The following CCDC40 variants were observed in gnomAD, a reference collection of about 807,000 sequenced individuals.
CCDC40 encodes the protein coiled-coil domain-containing protein 40.
In CCDC40, 104 loss-of-function variants were observed where a neutral mutation model predicts 124.5. The observed-to-expected ratio is 0.84, with a 90% CI of 0.71 to 0.98. The LOEUF is 0.98. Among genes scored for constraint, CCDC40 ranks in the 50% least tolerant of loss-of-function variants. CCDC40 has a pLI of 0.00. For missense variants in CCDC40, 1,463 were observed against 1,503.9 expected, an observed-to-expected ratio of 0.97 and a Z score of 0.45; for synonymous variants, 580 against 602.9, an observed-to-expected ratio of 0.96 and a Z score of 0.56.
intron 9 of CCDC40, among the ~76,000 whole-genome samples, chr17:80,063,962 A>C (rs544037714): frequency 6.6e-6 from 1 of 152,326 alleles, no homozygotes; most frequent in South Asian, 2.1e-4. Context: ...TCTGTACCCC[A>C]GAGATATACA....
Position 80,099,852 on chromosome 17 carries a change from C to A in CCDC40, c.*77C>A, listed in dbSNP as rs1004775554. ...GTGTTTGTCATGAGGGACTTGGAAT[C>A]TTTTGTGTTCCTAAAAACCACATGT... On this transcript the variant is annotated 3_prime_UTR_variant, in exon 20 of 20. Transcript: ENST00000397545. 1 of 1,538,918 alleles carries A rather than the reference C, an allele frequency of 6.5e-7. No individual in the cohort carries two copies. The highest frequency in any genetic ancestry group is 2.3e-5 in the East Asian group (1 of 43,950).
chr17:80,083,687 A>G (rs1395394191), intron 12 of CCDC40, among the ~76,000 whole-genome samples: 2 of 152,138 alleles, frequency 1.3e-5, no homozygotes, highest in Non-Finnish European at 2.9e-5. Flanking sequence ...GATTATCACA[A>G]ACGTCCTCTC....
chr17:80,082,880 C>T (rs955404497), intron 12 of CCDC40, among the ~76,000 whole-genome samples: 9 of 152,214 alleles, frequency 5.9e-5, no homozygotes, highest in African/African-American at 1.9e-4. Context: ...TCGTCTATTA[C>T]GACAATTTTC....
intron 10 of CCDC40, among the ~76,000 whole-genome samples, chr17:80,071,584 A>G (rs2038189423): frequency 6.6e-6 from 1 of 152,120 alleles, no homozygotes; most frequent in Non-Finnish European, 1.5e-5. Context: ...GGACTTTACC[A>G]TGGTATTAAA....
intron 12 of CCDC40, 56 bp from the exon 13 acceptor site, chr17:80,084,687 C>A: frequency 6.2e-7 from 1 of 1,606,454 alleles, no homozygotes; most frequent in African/African-American, 1.3e-5. Flanking sequence ...TCAGCAAACT[C>A]GTCCCGGGCC....
chr17:80,041,950 A>G (rs1414499061), intron 3 of CCDC40, among the ~76,000 whole-genome samples: 1 of 152,142 alleles, frequency 6.6e-6, no homozygotes, highest in Non-Finnish European at 1.5e-5. Flanking sequence ...ATACTTAATG[A>G]AGATTTTGTG....
chr17:80,050,761 C>T (rs2037562966), intron 7 of CCDC40, among the ~76,000 whole-genome samples: 1 of 152,154 alleles, frequency 6.6e-6, no homozygotes, highest in African/African-American at 2.4e-5. Context: ...TGTTAAATGG[C>T]ACCTGTCAGG....
chr17:80,048,837 T>C (rs2037500471), intron 5 of CCDC40, 76 bp downstream of exon 5: 2 of 1,277,386 alleles, frequency 1.6e-6, no homozygotes, highest in Admixed American at 2.0e-5. Flanking sequence ...CTGCCTGCAC[T>C]GTCTCCCACT....
chr17:80,090,320 GACGCGCGCAGGC>G (rs1567813795), intron 17 of CCDC40: 4 of 668,488 alleles, frequency 6.0e-6, no homozygotes, highest in African/African-American at 2.1e-5. Context: ...AACAACACGG[GACGCGCGCAGGC>G]ACGTGCACGA....
At position 80,087,783 on chromosome 17, in the gene CCDC40, C is replaced by T. The variant is rs1310711775; in HGVS notation, c.2619+7C>T. 2.5e-6 allele frequency: 4 copies of T among 1,613,554 alleles called. No homozygotes were observed. In the African/African-American group the frequency reaches 5.3e-5, roughly 22 times the overall value. On this transcript the variant is annotated splice_region_variant and intron_variant, in intron 15 of 19. Transcript: ENST00000397545. This position sits in a 1 kb window ranked among gnomAD's most constrained non-coding sequence, Gnocchi z 4.5. Reference sequence around the variant, plus strand: ...GTTCGTGCGCTCGCTGAAGGTCCGGCCGTGTCCACGCAGTCCCGGGGCTCA... The same window carrying T: ...GTTCGTGCGCTCGCTGAAGGTCCGGTCGTGTCCACGCAGTCCCGGGGCTCA...
intron 10 of CCDC40, among the ~76,000 whole-genome samples, chr17:80,079,887 T>C (rs561942520): frequency 6.6e-6 from 1 of 151,354 alleles, no homozygotes; most frequent in Non-Finnish European, 1.5e-5. Context: ...ATCGCGCCAC[T>C]GTACTCCAGC....
rs1160668479 is a variant in CCDC40, at chr17:80,039,991, C to T, written c.273C>T (p.Ser91=). The change falls in exon 3 of 20, where the codon AGC becomes AGT. Residue 91 remains serine (S), a synonymous_variant. Transcript: ENST00000397545. ...EEAVSYGDAE[S]EEEYYYTETS... ...CTGTGTCCTATGGAGATGCTGAAAG[C>T]GAAGAGGAATATTACTATACAGAAA... is the stretch of plus-strand genomic sequence containing the variant. 1.9e-6 allele frequency: 3 copies of T among 1,613,954 alleles called. No homozygotes were observed. Among genetic ancestry groups the T allele is most frequent in the South Asian group, 1.1e-5 (1 of 91,082 alleles).
chr17:80,090,853 A>G, intron 17 of CCDC40: 2 of 1,101,982 alleles, frequency 1.8e-6, no homozygotes, highest in South Asian at 2.3e-5. Flanking sequence ...TATTTTTCAG[A>G]TCAAGTGCAT....
intron 2 of CCDC40, among the ~76,000 whole-genome samples, chr17:80,039,435 CAG>C (rs1247730741): frequency 1.4e-5 from 2 of 147,312 alleles, no homozygotes; most frequent in African/African-American, 2.5e-5. Flanking sequence ...TTTTTTGAGA[CAG>C]AGTCTCACTC....
intron 3 of CCDC40, among the ~76,000 whole-genome samples, chr17:80,043,527 C>T (rs2037336107): frequency 6.6e-6 from 1 of 151,064 alleles, no homozygotes; most frequent in Non-Finnish European, 1.5e-5. Context: ...CACACCCCTG[C>T]GGCCGGCCTT....
intron 18 of CCDC40, 97 bp from the exon 19 acceptor site, chr17:80,097,147 GT>G: frequency 7.8e-7 from 1 of 1,281,158 alleles, no homozygotes. Flanking sequence ...TGGATGGAGT[GT>G]GTGGAAGGTG....
intron 9 of CCDC40, among the ~76,000 whole-genome samples, chr17:80,062,308 T>A (rs1280104291): frequency 2.0e-5 from 3 of 152,184 alleles, no homozygotes; most frequent in Non-Finnish European, 4.4e-5. Context: ...TTATTTTAAT[T>A]TTTTTTAAAT....
chr17:80,065,703 T>C, intron 10 of CCDC40, 97 bp downstream of exon 10: 1 of 1,517,156 alleles, frequency 6.6e-7, no homozygotes, highest in Non-Finnish European at 9.0e-7. Flanking sequence ...ACCGGATCTC[T>C]GGGACAGAGG....
At chr17:80,064,439 C>T (rs537227404) in intron 9 of CCDC40, among the ~76,000 whole-genome samples, 1 of 152,242 alleles carries the variant, frequency 6.6e-6, no homozygotes, top group Non-Finnish European at 1.5e-5. Context: ...AAAACAAGAC[C>T]GCGATCCAGG....
Sources: gnomAD v4.1 joint callset for allele counts (sites outside exome capture counted in the v4.1 genomes callset) on GRCh38, gnomAD v4.1.1 for gene constraint, Gnocchi (gnomAD v3.1) non-coding constraint, MANE v1.5 for transcripts, NCBI Gene and HGNC (gene_info 2026-07-23, HGNC 2026-07-21) for gene names.